Variants in NCAM1 observed in about 807,000 individuals in gnomAD.
NCAM1 encodes neural cell adhesion molecule 1, also known as antigen recognized by monoclonal antibody 5.1H11.
A neutral mutation model predicts 109.8 loss-of-function variants in NCAM1; 14 were observed. The observed-to-expected ratio is 0.13, with a 90% confidence interval of 0.08 to 0.20. The LOEUF (loss-of-function observed/expected upper bound fraction) is 0.20. Among genes scored for constraint, NCAM1 ranks in the 10% least tolerant of loss-of-function variants. The pLI is 1.00. For missense variants in NCAM1, 774 were observed against 1,109.9 expected (o/e 0.70, Z 4.30); for synonymous variants, 418 against 442.9 (o/e 0.94, Z 0.70).
At chr11:113,072,388 A>T (rs749281125) in intron 1 of NCAM1, among the ~76,000 whole-genome samples, 1 of 152,198 alleles carries the variant, frequency 6.6e-6, no homozygotes, top group East Asian at 1.9e-4. Context: ...AATGCAACAA[A>T]TGTTTATTTT....
At chr11:112,995,270 C>CTTTGTATGG (rs1565371021) in intron 1 of NCAM1, among the ~76,000 whole-genome samples, 1 of 152,102 alleles carries the variant, frequency 6.6e-6, no homozygotes, top group Non-Finnish European at 1.5e-5. Context: ...ACACATCCAC[C>CTTTGTATGG]TTACTTTGTA....
At chr11:113,114,902 G>A (rs1940627547) in intron 1 of NCAM1, among the ~76,000 whole-genome samples, 1 of 152,086 alleles carries the variant, frequency 6.6e-6, no homozygotes, top group Non-Finnish European at 1.5e-5. Flanking sequence ...ATTAAGACGA[G>A]CTCTCCTCTC....
At position 113,165,374 on chromosome 11, in the gene NCAM1, T is replaced by C. The variant is rs544730725; in HGVS notation, c.53-37005T>C. Among the ~76,000 whole-genome samples, 3 of 152,322 alleles carry C rather than the reference T, an allele frequency of 2.0e-5. No individual in the cohort carries two copies. The East Asian group carries it at 5.8e-4, about 29-fold the overall frequency. ...GAGCTAAGATCCAGAATCTCCACTGTGGTCTCTGGGCTCCGAGTAGACTCA... is the reference window on the plus strand; with the variant it reads ...GAGCTAAGATCCAGAATCTCCACTGCGGTCTCTGGGCTCCGAGTAGACTCA... On this transcript the variant is annotated intron_variant, in intron 1 of 19. Transcript: ENST00000316851.
rs181346862 is a variant in NCAM1 at position 112,962,287 on chromosome 11, C to T, written c.52+623C>T. On this transcript the variant is annotated intron_variant, in intron 1 of 19. Transcript: ENST00000316851. This position sits in a 1 kb window ranked among gnomAD's most constrained non-coding sequence, Gnocchi z 5.6. Reference sequence around the variant, plus strand: ...CGTTGTTGCACCCCAGTCGACATGACGTTAGTTTTTCATTTGCCAAATTGC... The same window carrying T: ...CGTTGTTGCACCCCAGTCGACATGATGTTAGTTTTTCATTTGCCAAATTGC... Among the ~76,000 whole-genome samples, 1 of 152,284 alleles carries T rather than the reference C, an allele frequency of 6.6e-6. No homozygotes were observed. Among genetic ancestry groups the T allele is most frequent in the Non-Finnish European group, 1.5e-5 (1 of 68,018 alleles).
At position 113,089,245 on chromosome 11, in the gene NCAM1, G is replaced by A. The variant is rs146081004; in HGVS notation, c.53-113134G>A. Among the ~76,000 whole-genome samples, 490 of 152,206 alleles carry A rather than the reference G, an allele frequency of 3.2e-3. 5 individuals are homozygous for A. Among genetic ancestry groups the A allele is most frequent in the East Asian group, 0.022 (114 of 5,170 alleles). ...GGAGAATTGCTTGAACCCAGGAGACGGAGGTTGCCGAGATCGCGCCACTGC... is the reference window on the plus strand; with the variant it reads ...GGAGAATTGCTTGAACCCAGGAGACAGAGGTTGCCGAGATCGCGCCACTGC... On this transcript the variant is annotated intron_variant, in intron 1 of 19. Transcript: ENST00000316851.
At chr11:113,188,829 G>A (rs1206926362) in intron 1 of NCAM1, among the ~76,000 whole-genome samples, 1 of 151,148 alleles carries the variant, frequency 6.6e-6, no homozygotes, top group Non-Finnish European at 1.5e-5. Flanking sequence ...GTGTGTGTGA[G>A]TGTGAGTGTG....
intron 8 of NCAM1, among the ~76,000 whole-genome samples, chr11:113,220,882 T>C (rs1944673652): frequency 6.6e-6 from 1 of 152,120 alleles, no homozygotes; most frequent in South Asian, 2.1e-4. Flanking sequence ...GTGCTGGGAT[T>C]ACAGGCATGA....
At chr11:113,113,788 G>T (rs1238328690) in intron 1 of NCAM1, among the ~76,000 whole-genome samples, 1 of 151,954 alleles carries the variant, frequency 6.6e-6, no homozygotes, top group Admixed American at 6.6e-5. Context: ...AAATCTTGAT[G>T]TGTCTTAGAT....
chr11:113,118,411 T>C (rs1291916529), intron 1 of NCAM1, among the ~76,000 whole-genome samples: 1 of 151,934 alleles, frequency 6.6e-6, no homozygotes, highest in Non-Finnish European at 1.5e-5. Context: ...TTGGGGAAGA[T>C]TTTCTTGGAC....
intron 1 of NCAM1, among the ~76,000 whole-genome samples, chr11:112,991,941 A>C (rs1951467353): frequency 1.3e-5 from 2 of 152,100 alleles, no homozygotes; most frequent in South Asian, 4.1e-4. Flanking sequence ...AGTTTTATTA[A>C]CTTTATTAAG....
chr11:113,271,797 A>T lies in NCAM1; in HGVS notation c.2377A>T (p.Thr793Ser). The T allele has an allele frequency of 6.4e-7, 1 of 1,566,694 alleles. No homozygotes were observed. The highest frequency in any genetic ancestry group is 8.7e-7 in the Non-Finnish European group (1 of 1,155,848). ...CAAGGAGCCCATCGTGGAGGTTCGAACGGAGGAGGAGAGGACCCCAAACCA... is the reference window on the plus strand; with the variant it reads ...CAAGGAGCCCATCGTGGAGGTTCGATCGGAGGAGGAGAGGACCCCAAACCA... ...ESKEPIVEVR[T>S]EEERTPNHDG... is the part of the protein sequence containing the mutation. Residue 793 changes from threonine to serine, a missense_variant, in exon 19 of 20, where the codon ACG (threonine) becomes TCG (serine). Coordinates refer to ENST00000316851, the MANE Select transcript of NCAM1 (RefSeq NM_181351.5).
intron 1 of NCAM1, among the ~76,000 whole-genome samples, chr11:112,964,029 A>G (rs1444169034): frequency 2.0e-5 from 3 of 152,070 alleles, no homozygotes; most frequent in Non-Finnish European, 4.4e-5. Context: ...CTTTTGTACC[A>G]TAGTTTTTTT....
chr11:113,183,110 A>C (rs1017149835), intron 1 of NCAM1, among the ~76,000 whole-genome samples: 1 of 152,220 alleles, frequency 6.6e-6, no homozygotes, highest in African/African-American at 2.4e-5. Context: ...CTGGCAAGAT[A>C]CAGTAACTTG....
chr11:113,226,262 C>A (rs959763991), intron 9 of NCAM1, among the ~76,000 whole-genome samples: 18 of 152,070 alleles, frequency 1.2e-4, no homozygotes, highest in Non-Finnish European at 2.5e-4. Flanking sequence ...GAAAACAAAA[C>A]AAGGCAGGGG....
chr11:113,011,968 C>CTTCT (rs1316353007), intron 1 of NCAM1, among the ~76,000 whole-genome samples: 6 of 82,598 alleles, frequency 7.3e-5, no homozygotes, highest in Non-Finnish European at 1.3e-4. Flanking sequence ...CTCTCCTTTC[C>CTTCT]TTCCTTCCTT....
chr11:113,230,070 C>G (rs1763540273), intron 9 of NCAM1, among the ~76,000 whole-genome samples: 2 of 151,456 alleles, frequency 1.3e-5, no homozygotes, highest in African/African-American at 4.9e-5. Flanking sequence ...TACCCTAAAA[C>G]TTAAAGTATA....
intron 15 of NCAM1, among the ~76,000 whole-genome samples, chr11:113,255,405 A>T (rs1467957649): frequency 6.6e-6 from 1 of 152,166 alleles, no homozygotes; most frequent in Non-Finnish European, 1.5e-5. Context: ...TCCCAGTCCC[A>T]GGGGTGAGTG....
chr11:113,161,833 G>A (rs1457260295), intron 1 of NCAM1, among the ~76,000 whole-genome samples: 1 of 152,146 alleles, frequency 6.6e-6, no homozygotes, highest in Non-Finnish European at 1.5e-5. Context: ...GAAGCACTGT[G>A]GTTGAGCTCC....
chr11:113,259,926 A>T (rs531212063), intron 16 of NCAM1, among the ~76,000 whole-genome samples: 2 of 150,366 alleles, frequency 1.3e-5, no homozygotes, highest in East Asian at 2.0e-4. Flanking sequence ...CTGGTCTTGA[A>T]CTCCTGACCT....
Sources: allele counts gnomAD v4.1 joint callset (sites outside exome capture counted in the v4.1 genomes callset), GRCh38; gene constraint gnomAD v4.1.1; non-coding constraint Gnocchi (gnomAD v3.1); transcripts MANE v1.5; gene names NCBI Gene and HGNC (gene_info 2026-07-23, HGNC 2026-07-21).